Variants in PRH1 observed in about 807,000 individuals in gnomAD.
PRH1 encodes proline rich protein HaeIII subfamily 1.
A neutral mutation model predicts 7.9 loss-of-function variants in PRH1; 7 were observed. That is an observed-to-expected ratio of 0.89 (90% CI 0.50 to 1.67). The LOEUF (loss-of-function observed/expected upper bound fraction) is 1.67. Among genes scored for constraint, PRH1 ranks in the 40% most tolerant of loss-of-function variants. The pLI is 0.00. For synonymous variants in PRH1, 45 were observed against 80.8 expected (o/e 0.56, Z 2.38); for missense variants, 109 against 223.6 (o/e 0.49, Z 3.27).
At chr12:11,028,957 C>T (rs1380394789) in intron 1 of PRH1, among the ~76,000 whole-genome samples, 2 of 152,280 alleles carry the variant, frequency 1.3e-5, no homozygotes, top group Non-Finnish European at 1.5e-5. Context: ...TTTACCACAT[C>T]AACTTATCCA....
At chr12:10,948,191 G>A (rs574174358) in intron 2 of PRH1, among the ~76,000 whole-genome samples, 1 of 152,314 alleles carries the variant, frequency 6.6e-6, no homozygotes, top group South Asian at 2.1e-4. Context: ...GGTTGGGAAA[G>A]AGTTCATGAA....
intron 1 of PRH1, among the ~76,000 whole-genome samples, chr12:10,995,168 A>G (rs1326492495): frequency 2.6e-5 from 4 of 152,152 alleles, no homozygotes; most frequent in Non-Finnish European, 5.9e-5. Flanking sequence ...TCACCACCCC[A>G]ATATAGTTCA....
intron 1 of PRH1, among the ~76,000 whole-genome samples, chr12:11,068,232 T>C (rs893096900): frequency 6.6e-6 from 1 of 152,234 alleles, no homozygotes; most frequent in Non-Finnish European, 1.5e-5. Flanking sequence ...ATCCCAATTG[T>C]TATGATGATC....
At chr12:11,151,439 A>C (rs1565707904) in intron 1 of PRH1, among the ~76,000 whole-genome samples, 1 of 152,192 alleles carries the variant, frequency 6.6e-6, no homozygotes, top group Non-Finnish European at 1.5e-5. Flanking sequence ...GAGCCAATAT[A>C]TACATTCTTT....
intron 1 of PRH1, among the ~76,000 whole-genome samples, chr12:11,037,207 G>C (rs1229863379): frequency 6.6e-6 from 1 of 152,084 alleles, no homozygotes; most frequent in African/African-American, 2.4e-5. Context: ...ATCAACTTTA[G>C]TTTATCTTTT....
chr12:11,033,994 A>G (rs1249712992), intron 1 of PRH1, among the ~76,000 whole-genome samples: 14 of 149,166 alleles, frequency 9.4e-5, no homozygotes, highest in Non-Finnish European at 1.8e-4. Context: ...GCATCTCCTG[A>G]TATAAGCAAT....
chr12:11,012,258 T>A (rs897450391), intron 1 of PRH1, among the ~76,000 whole-genome samples: 1 of 152,162 alleles, frequency 6.6e-6, no homozygotes, highest in Non-Finnish European at 1.5e-5. Flanking sequence ...TTCTTTCCAG[T>A]TGTTATAGTA....
chr12:11,027,950 G>A (rs867713453), intron 1 of PRH1, among the ~76,000 whole-genome samples: 15 of 152,328 alleles, frequency 9.8e-5, no homozygotes, highest in Middle Eastern at 3.4e-3. Flanking sequence ...CTATGCAACT[G>A]TGGACGTCAT....
chr12:11,059,039 C>T (rs762165840), intron 1 of PRH1, among the ~76,000 whole-genome samples: 8 of 152,194 alleles, frequency 5.3e-5, no homozygotes, highest in African/African-American at 1.2e-4. Flanking sequence ...CTTTCACAAC[C>T]TCCACCTAGG....
rs879150692 is a variant in PRH1, at chr12:11,077,344, A to G, written n.124-30156T>C. ...AGTTGAGGGTTGCTGTCCTTTCACT[A>G]AGCATGTGACCTGACATAAAACTGA... On this transcript the variant is annotated intron_variant and non_coding_transcript_variant, in intron 1 of 4. Coordinates refer to the PRH1 transcript ENST00000541977. 4 of 280,720 alleles carry G rather than the reference A, an allele frequency of 1.4e-5. 2 individuals are homozygous for G. Among genetic ancestry groups the G allele is most frequent in the African/African-American group, 1.0e-4 (4 of 40,078 alleles). 17.4% of individuals were successfully genotyped at this position (280,720 alleles called of 1,614,324 possible).
chr12:11,025,252 A>C (rs976552905), intron 1 of PRH1, among the ~76,000 whole-genome samples: 1 of 151,932 alleles, frequency 6.6e-6, no homozygotes, highest in Non-Finnish European at 1.5e-5. Flanking sequence ...ATTAATTTGT[A>C]ATGCTCCTTG....
At chr12:10,973,822 G>A (rs1325985449) in intron 1 of PRH1, 2 of 623,282 alleles carry the variant, frequency 3.2e-6, no homozygotes, top group African/African-American at 1.8e-5. Context: ...CACAAGGAGA[G>A]TCTTTATAGG....
At chr12:11,009,688 C>T (rs11054158) in intron 1 of PRH1, among the ~76,000 whole-genome samples, 46,221 of 151,560 alleles carry the variant, frequency 0.3, 8,911 homozygotes, top group East Asian at 0.74. Context: ...TTAAAGAAAC[C>T]GGATATTAAT....
intron 1 of PRH1, among the ~76,000 whole-genome samples, chr12:11,109,830 T>C (rs936315223): frequency 2.6e-5 from 4 of 152,070 alleles, no homozygotes; most frequent in Non-Finnish European, 5.9e-5. Flanking sequence ...GTTTGATGAA[T>C]TGACACAAGT....
At chr12:11,142,146 T>G (rs1028750655) in intron 1 of PRH1, among the ~76,000 whole-genome samples, 24 of 152,150 alleles carry the variant, frequency 1.6e-4, no homozygotes, top group African/African-American at 5.3e-4. Context: ...ATGACATCCG[T>G]CTCCAACAAC....
intron 1 of PRH1, among the ~76,000 whole-genome samples, chr12:11,086,106 C>CA (rs1186221101): frequency 2.0e-4 from 4 of 20,002 alleles, no homozygotes; most frequent in African/African-American, 2.3e-4. Context: ...AAACACATTC[C>CA]CCCCCCCACA....
intron 1 of PRH1, among the ~76,000 whole-genome samples, chr12:11,096,788 GTTT>G (rs368210622): frequency 8.9e-6 from 1 of 112,718 alleles, no homozygotes; most frequent in African/African-American, 3.0e-5. Flanking sequence ...TGCGGTTTTT[GTTT>G]TTTTTGTTGT....
At chr12:11,083,978 A>G (rs74883267) in intron 1 of PRH1, among the ~76,000 whole-genome samples, 3,051 of 67,486 alleles carry the variant, frequency 0.045, 154 homozygotes, top group Middle Eastern at 0.063. Flanking sequence ...CTTCTGGCCA[A>G]CAGTTGCAAA....
At chr12:11,052,910 T>G (rs1203958341) in intron 1 of PRH1, among the ~76,000 whole-genome samples, 1 of 148,336 alleles carries the variant, frequency 6.7e-6, no homozygotes, top group Non-Finnish European at 1.5e-5. Flanking sequence ...TTAAAAATGT[T>G]TCTGATTTTT....
Sources: gnomAD v4.1 joint callset for allele counts (sites outside exome capture counted in the v4.1 genomes callset) on GRCh38, gnomAD v4.1.1 for gene constraint, MANE v1.5 for transcripts, NCBI Gene and HGNC (gene_info 2026-07-23, HGNC 2026-07-21) for gene names.